Variants in MAGI1 observed in about 807,000 individuals in gnomAD.
MAGI1 encodes membrane associated guanylate kinase, WW and PDZ domain containing 1.
A neutral mutation model predicts 139.9 loss-of-function variants in MAGI1; 58 were observed. The ratio of observed to expected loss-of-function variants is 0.41; its 90% confidence interval spans 0.34 to 0.52. The LOEUF (loss-of-function observed/expected upper bound fraction) is 0.52, where lower values mean the gene tolerates loss of function less well. Among genes scored for constraint, MAGI1 ranks in the 20% least tolerant of loss-of-function variants. The pLI is 0.12. For missense variants in MAGI1, 1,874 were observed against 1,901.6 expected (o/e 0.99, Z 0.27); for synonymous variants, 812 against 737.9 (o/e 1.10, Z -1.63).
intron 1 of MAGI1, among the ~76,000 whole-genome samples, chr3:65,806,897 T>C (rs2040895946): frequency 6.6e-6 from 1 of 152,102 alleles, no homozygotes; most frequent in African/African-American, 2.4e-5. Context: ...TAACCATCCA[T>C]CATTTGAGAA....
chr3:65,637,149 G>C (rs78533538), intron 1 of MAGI1, among the ~76,000 whole-genome samples: 7,330 of 152,204 alleles, frequency 0.048, 583 homozygotes, highest in African/African-American at 0.17. Flanking sequence ...CCCACCCAGG[G>C]GTTGGGTAAA....
At chr3:65,375,680 G>A in intron 18 of MAGI1, 65 bp downstream of exon 18, 1 of 1,324,722 alleles carries the variant, frequency 7.5e-7, no homozygotes, top group East Asian at 2.3e-5. Context: ...AAAGAGAAAA[G>A]GAAAAGACAG....
intron 2 of MAGI1, among the ~76,000 whole-genome samples, chr3:65,540,668 T>C (rs2079167603): frequency 6.6e-6 from 1 of 152,252 alleles, no homozygotes; most frequent in Non-Finnish European, 1.5e-5. Flanking sequence ...CAAAGCTGTT[T>C]GCCAGGTGCT....
intron 18 of MAGI1, among the ~76,000 whole-genome samples, chr3:65,375,062 T>A (rs1397235828): frequency 6.6e-6 from 1 of 152,168 alleles, no homozygotes; most frequent in African/African-American, 2.4e-5. Context: ...TGTCACCATA[T>A]AATACAGCTC....
intron 1 of MAGI1, among the ~76,000 whole-genome samples, chr3:66,035,467 T>C (rs913503815): frequency 2.6e-5 from 4 of 152,184 alleles, no homozygotes; most frequent in East Asian, 3.9e-4. Context: ...AATTCTGTCA[T>C]ACAATCTAAA....
chr3:65,718,162 C>T (rs557441232), intron 1 of MAGI1, among the ~76,000 whole-genome samples: 4 of 152,140 alleles, frequency 2.6e-5, no homozygotes, highest in African/African-American at 4.8e-5. Context: ...TAGGCTATGT[C>T]GTCTGTGGTT....
intron 2 of MAGI1, among the ~76,000 whole-genome samples, chr3:65,613,028 C>A (rs2083198716): frequency 6.6e-6 from 1 of 152,116 alleles, no homozygotes; most frequent in Non-Finnish European, 1.5e-5. Flanking sequence ...GGAGGAGACT[C>A]TTTTTTAAAA....
rs6783618 is a variant in MAGI1 at position 65,622,564 on chromosome 3, T to A, written c.314-476A>T. On this transcript the variant is annotated intron_variant, in intron 1 of 22. Coordinates refer to ENST00000402939, the MANE Select transcript of MAGI1 (RefSeq NM_001033057.2). Reference sequence around the variant, plus strand: ...GAATTTACTACAGCTTTTTTTATTTTTTTAATTTTTATTTTTTGAAACGGA... The same window carrying A: ...GAATTTACTACAGCTTTTTTTATTTATTTAATTTTTATTTTTTGAAACGGA... Among the ~76,000 whole-genome samples the A allele has an allele frequency of 3.7e-3, 569 of 152,240 alleles. 7 individuals are homozygous for A. The highest frequency in any genetic ancestry group is 0.013 in the African/African-American group (550 of 41,546).
At chr3:65,826,125 T>C (rs1222509988) in intron 1 of MAGI1, among the ~76,000 whole-genome samples, 1 of 151,992 alleles carries the variant, frequency 6.6e-6, no homozygotes, top group African/African-American at 2.4e-5. Context: ...CACATATACA[T>C]GCATGGAAAA....
intron 1 of MAGI1, among the ~76,000 whole-genome samples, chr3:65,963,179 A>G (rs1444371130): frequency 6.7e-6 from 1 of 149,866 alleles, no homozygotes; most frequent in African/African-American, 2.5e-5. Flanking sequence ...ATTAGCTGGG[A>G]GTGGCATTTG....
intron 1 of MAGI1, among the ~76,000 whole-genome samples, chr3:65,839,474 T>C (rs1050980383): frequency 1.3e-5 from 2 of 152,130 alleles, no homozygotes; most frequent in African/African-American, 2.4e-5. Flanking sequence ...GAAGAGGACA[T>C]TGTTACAGGA....
chr3:65,936,990 ATGG>A (rs2063094882), intron 1 of MAGI1, among the ~76,000 whole-genome samples: 2 of 149,410 alleles, frequency 1.3e-5, no homozygotes, highest in South Asian at 2.1e-4. Context: ...GGTGGTGGTG[ATGG>A]TGGTGGTGGT....
chr3:66,019,296 T>C lies in MAGI1; in HGVS notation c.313+18700A>G, dbSNP rs139500958. Among the ~76,000 whole-genome samples, 187 of 152,326 alleles carry C rather than the reference T, an allele frequency of 1.2e-3. 1 individual carries two copies. The highest frequency in any genetic ancestry group is 2.6e-3 in the African/African-American group (108 of 41,586). The stretch of plus-strand genomic sequence containing the variant: ...GGCATTTGGGCCAGATAAATCTTTG[T>C]TGGCAGTGGGCTCTCTGGTGCATTA... On this transcript the variant is annotated intron_variant, in intron 1 of 22. Transcript: ENST00000402939.
intron 1 of MAGI1, among the ~76,000 whole-genome samples, chr3:65,996,963 T>C (rs1203489825): frequency 6.6e-6 from 1 of 152,256 alleles, no homozygotes; most frequent in Non-Finnish European, 1.5e-5. Flanking sequence ...TCAGGTATTC[T>C]ATTCCCAATT....
chr3:65,622,131 G>T, intron 1 of MAGI1, 43 bp from the exon 2 acceptor site: 1 of 1,365,418 alleles, frequency 7.3e-7, no homozygotes, highest in Non-Finnish European at 1.0e-6. Context: ...TCAACACAGG[G>T]CCTCCTAGAA....
chr3:65,880,282 T>C (rs1486312014), intron 1 of MAGI1, among the ~76,000 whole-genome samples: 1 of 151,758 alleles, frequency 6.6e-6, no homozygotes, highest in Non-Finnish European at 1.5e-5. Flanking sequence ...AAAATTCCTG[T>C]AAAAACCCAC....
intron 1 of MAGI1, among the ~76,000 whole-genome samples, chr3:66,020,198 G>A (rs1381650428): frequency 6.6e-6 from 1 of 152,186 alleles, no homozygotes; most frequent in Non-Finnish European, 1.5e-5. Flanking sequence ...CCAGCACTTT[G>A]CGAGGCTGAG....
At chr3:65,664,296 G>C (rs1192911905) in intron 1 of MAGI1, among the ~76,000 whole-genome samples, 5 of 152,104 alleles carry the variant, frequency 3.3e-5, no homozygotes, top group Admixed American at 3.3e-4. Context: ...ACTATACTCA[G>C]GTTTACTGTC....
chr3:65,392,796 T>C (rs1180671867), intron 13 of MAGI1, among the ~76,000 whole-genome samples: 1 of 152,228 alleles, frequency 6.6e-6, no homozygotes, highest in Non-Finnish European at 1.5e-5. Context: ...CTATTACAGA[T>C]TTGAATGGAG....
Sources: allele counts gnomAD v4.1 joint callset (sites outside exome capture counted in the v4.1 genomes callset), GRCh38; gene constraint gnomAD v4.1.1; transcripts MANE v1.5; gene names NCBI Gene and HGNC (gene_info 2026-07-23, HGNC 2026-07-21).